The following RYR2 variants were observed in gnomAD, a reference collection of about 807,000 sequenced individuals.
The protein encoded by RYR2 is ryanodine receptor 2.
In RYR2, 227 loss-of-function variants were observed where a neutral mutation model predicts 601.1. The observed-to-expected ratio is 0.38, with a 90% CI of 0.34 to 0.42. The LOEUF (loss-of-function observed/expected upper bound fraction) is 0.42, where lower values mean the gene tolerates loss of function less well. Ranked by LOEUF, RYR2 falls within the 10% of genes least tolerant of loss-of-function variation. The pLI is 1.00. For synonymous variants in RYR2, 2,223 were observed against 2,175.1 expected, an observed-to-expected ratio of 1.02 and a Z score of -0.61; for missense variants, 4,646 against 6,156.5, an observed-to-expected ratio of 0.75 and a Z score of 8.21.
intron 1 of RYR2, among the ~76,000 whole-genome samples, chr1:237,162,295 A>C (rs970961845): frequency 6.6e-6 from 1 of 152,102 alleles, no homozygotes; most frequent in Non-Finnish European, 1.5e-5. Flanking sequence ...CAGTATGTGA[A>C]TGTGGAATGA....
chr1:237,576,354 T>C lies in RYR2; in HGVS notation c.3598+7035T>C, dbSNP rs571655295. Among the ~76,000 whole-genome samples the C allele has an allele frequency of 7.2e-5, 11 of 152,314 alleles. No individual in the cohort carries two copies. In the East Asian group the frequency reaches 1.4e-3, roughly 19 times the overall value. Reference sequence around the variant, plus strand: ...ATGTCCTACCAGATAGCAGGATTTATTGTGAAGCTATAGTCATTAAAATAG... The same window carrying C: ...ATGTCCTACCAGATAGCAGGATTTACTGTGAAGCTATAGTCATTAAAATAG... On this transcript the variant is annotated intron_variant, in intron 29 of 104. Coordinates refer to ENST00000366574, the MANE Select transcript of RYR2 (RefSeq NM_001035.3).
chr1:237,594,033 G>T (rs995572587), intron 33 of RYR2, among the ~76,000 whole-genome samples: 1 of 152,206 alleles, frequency 6.6e-6, no homozygotes, highest in Non-Finnish European at 1.5e-5. Context: ...AGACAATGTG[G>T]GCTGGTAGTT....
At chr1:237,705,741 G>T (rs1688316525) in intron 67 of RYR2, among the ~76,000 whole-genome samples, 1 of 152,194 alleles carries the variant, frequency 6.6e-6, no homozygotes, top group Non-Finnish European at 1.5e-5. Context: ...GCATGCTCAA[G>T]ATAGGCTGGA....
intron 1 of RYR2, among the ~76,000 whole-genome samples, chr1:237,181,927 A>G (rs1678804000): frequency 6.6e-6 from 1 of 152,270 alleles, no homozygotes; most frequent in Non-Finnish European, 1.5e-5. Context: ...AAAAGCAGTG[A>G]CTCACCATTG....
At chr1:237,795,817 GGTATGTAT>G (rs1466138009) in intron 96 of RYR2, among the ~76,000 whole-genome samples, 1 of 117,968 alleles carries the variant, frequency 8.5e-6, no homozygotes, top group African/African-American at 3.1e-5. Context: ...TGTATATACA[GGTATGTAT>G]GTGTGTGTGT....
At chr1:237,594,886 G>GTTTTTTTTGTTTTTTTT (rs1675642723) in intron 33 of RYR2, among the ~76,000 whole-genome samples, 3 of 60,418 alleles carry the variant, frequency 5.0e-5, no homozygotes, top group East Asian at 9.0e-4. Context: ...ATATCACTGG[G>GTTTTTTTTGTTTTTTTT]TTTTTTTTTT....
At chr1:237,443,896 A>G (rs768370802) in intron 13 of RYR2, among the ~76,000 whole-genome samples, 2 of 152,188 alleles carry the variant, frequency 1.3e-5, no homozygotes, top group Non-Finnish European at 2.9e-5. Context: ...CTGTGAAACC[A>G]GCTGGTCCTA....
chr1:237,361,609 A>T (rs1323221125), intron 4 of RYR2, among the ~76,000 whole-genome samples: 1 of 152,186 alleles, frequency 6.6e-6, no homozygotes, highest in Non-Finnish European at 1.5e-5. Flanking sequence ...CCTTATCTAT[A>T]TAATTTTTGA....
intron 2 of RYR2, among the ~76,000 whole-genome samples, chr1:237,290,491 A>G (rs1214061089): frequency 1.3e-5 from 2 of 152,254 alleles, no homozygotes; most frequent in African/African-American, 4.8e-5. Flanking sequence ...TTGTATACTT[A>G]TAAGTGGTAA....
chr1:237,388,931 T>C (rs1702154726), intron 10 of RYR2, among the ~76,000 whole-genome samples: 2 of 152,038 alleles, frequency 1.3e-5, no homozygotes, highest in Non-Finnish European at 2.9e-5. Context: ...TAACTATTAG[T>C]TAATAATTAT....
At chr1:237,406,787 C>A (rs2149974127) in intron 10 of RYR2, among the ~76,000 whole-genome samples, 1 of 152,200 alleles carries the variant, frequency 6.6e-6, no homozygotes, top group Non-Finnish European at 1.5e-5. Context: ...TCTGCCTCAC[C>A]AGTTTTCTTG....
intron 83 of RYR2, 137 bp downstream of exon 83, chr1:237,759,989 G>A (rs768257660): frequency 1.5e-6 from 1 of 654,384 alleles, no homozygotes; most frequent in Non-Finnish European, 2.7e-6. Context: ...ATAATCGGCA[G>A]TGTCTTGTTT....
At chr1:237,730,707 C>G (rs923175479) in intron 77 of RYR2, among the ~76,000 whole-genome samples, 1 of 152,104 alleles carries the variant, frequency 6.6e-6, no homozygotes, top group Non-Finnish European at 1.5e-5. Context: ...AAGAAGTTAT[C>G]CACCTAAATT....
chr1:237,750,267 G>GA (rs529285019), intron 80 of RYR2, among the ~76,000 whole-genome samples: 13 of 150,958 alleles, frequency 8.6e-5, no homozygotes, highest in African/African-American at 9.7e-5. Flanking sequence ...AGCTGAAGGG[G>GA]AAAAAAAAAC....
At chr1:237,060,775 C>T (rs1662737031) in intron 1 of RYR2, among the ~76,000 whole-genome samples, 1 of 152,118 alleles carries the variant, frequency 6.6e-6, no homozygotes, top group African/African-American at 2.4e-5. Flanking sequence ...TTCATCTATC[C>T]ATTCTGTTGA....
chr1:237,492,013 A>T, intron 18 of RYR2, 89 bp downstream of exon 18: 1 of 678,452 alleles, frequency 1.5e-6, no homozygotes, highest in Non-Finnish European at 2.5e-6. Context: ...AGTGTGTCAA[A>T]TTTTTCATGA....
At chr1:237,103,694 G>T (rs540971384) in intron 1 of RYR2, among the ~76,000 whole-genome samples, 1 of 152,114 alleles carries the variant, frequency 6.6e-6, no homozygotes, top group South Asian at 2.1e-4. Flanking sequence ...TCAGCCTCCC[G>T]AGTAGCTGGG....
chr1:237,245,700 A>G (rs189118427), intron 1 of RYR2, among the ~76,000 whole-genome samples: 8 of 152,344 alleles, frequency 5.3e-5, no homozygotes, highest in East Asian at 1.9e-4. Context: ...TATATCAACA[A>G]TTGCTGAACA....
At chr1:237,716,515 T>G (rs1573646236) in intron 71 of RYR2, among the ~76,000 whole-genome samples, 1 of 152,150 alleles carries the variant, frequency 6.6e-6, no homozygotes, top group East Asian at 1.9e-4. Flanking sequence ...AATTAGATTC[T>G]GTCGTTTAAG....
Sources: gnomAD v4.1 joint callset for allele counts (sites outside exome capture counted in the v4.1 genomes callset) on GRCh38, gnomAD v4.1.1 for gene constraint, MANE v1.5 for transcripts, NCBI Gene and HGNC (gene_info 2026-07-23, HGNC 2026-07-21) for gene names.